PIEZO1: variants seen among roughly 807,000 people sequenced by gnomAD.
The protein encoded by PIEZO1 is piezo-type mechanosensitive ion channel component 1.
PIEZO1 carries 296 observed loss-of-function variants against 297.2 expected under a neutral mutation model. The observed-to-expected ratio is 1.00, with a 90% confidence interval of 0.91 to 1.10. The LOEUF is 1.10. Ranked by LOEUF, PIEZO1 falls within the 50% of genes least tolerant of loss-of-function variation. The pLI is 0.00. For missense variants in PIEZO1, 5,018 were observed against 3,455.5 expected, an observed-to-expected ratio of 1.45 and a Z score of -11.34; for synonymous variants, 2,427 against 1,507.5, an observed-to-expected ratio of 1.61 and a Z score of -14.13.
chr16:88,767,066 A>G (rs11861895), intron 1 of PIEZO1, among the ~76,000 whole-genome samples: 26,091 of 152,224 alleles, frequency 0.17, 6,844 homozygotes, highest in African/African-American at 0.56. Flanking sequence ...TACCAAGCAC[A>G]GCTTTCCCAT....
Position 88,752,896 on chromosome 16 carries a change from CCATTCATT to C in PIEZO1, c.65-3425_65-3418del, listed in dbSNP as rs558341028. 3.3e-3 allele frequency among the ~76,000 whole-genome samples: 396 copies of C among 121,222 alleles called. 3 individuals carry two copies. Among genetic ancestry groups the C allele is most frequent in the African/African-American group, 9.4e-3 (353 of 37,534 alleles). The allele number at this position is 121,222 out of a possible 152,430, so 79.5% of individuals were successfully genotyped here. On this transcript the variant is annotated intron_variant, in intron 1 of 50. Coordinates refer to ENST00000301015, the MANE Select transcript of PIEZO1 (RefSeq NM_001142864.4). ...TTCATTCATCCATTCATCCATTCAT[CCATTCATT>C]CATTCATTCAATACCAAGCAGGCCC... is the stretch of plus-strand genomic sequence containing the variant.
rs1387121110 is a variant in PIEZO1, at chr16:88,736,696, G to C, written c.1239C>G (p.His413Gln). The stretch of plus-strand genomic sequence containing the variant: ...GGTCCATGATGAGGTGGCCCAGGCT[G>C]TGGAGCGGAGACGCCTCCCTGGGCT... ...RAEPREASPL[H>Q]SLGHLIMDQS... The change falls in exon 11 of 51, where the codon CAC becomes CAG. Residue 413 changes from histidine (H) to glutamine (Q), a missense_variant. His to Gln is a conservative substitution (Grantham distance 24). Transcript: ENST00000301015. 6.5e-7 allele frequency: 1 copy of C among 1,532,980 alleles called. No individual in the cohort carries two copies. The highest frequency in any genetic ancestry group is 1.2e-5 in the South Asian group (1 of 83,924). 95.0% of individuals were successfully genotyped at this position (1,532,980 alleles called of 1,614,324 possible).
intron 1 of PIEZO1, among the ~76,000 whole-genome samples, chr16:88,778,935 G>T (rs1342711474): frequency 1.3e-5 from 2 of 152,202 alleles, no homozygotes; most frequent in African/African-American, 4.8e-5. Flanking sequence ...GCGGGGGCAG[G>T]TGGGGTGCAT....
intron 1 of PIEZO1, among the ~76,000 whole-genome samples, chr16:88,753,845 C>A (rs1478761204): frequency 6.6e-6 from 1 of 152,228 alleles, no homozygotes; most frequent in African/African-American, 2.4e-5. Flanking sequence ...TGAAGACTGG[C>A]TCCAACTCAG....
chr16:88,784,873 C>T, intron 1 of PIEZO1, 28 bp downstream of exon 1: 2 of 1,410,778 alleles, frequency 1.4e-6, no homozygotes, highest in Non-Finnish European at 9.3e-7. Context: ...CCCCTCCCGT[C>T]GCCCCCAGGC....
Position 88,716,799 on chromosome 16 carries a change from C to CACTT in PIEZO1, c.6753+3_6753+6dup, listed in dbSNP as rs1912073237. ...ACACCAGCTTTCACAGGGCAGAGGC[C>CACTT]ACTTACCGGCTGGGGGTCAAACTGC... On this transcript the variant is annotated splice_region_variant and intron_variant, in intron 46 of 50. Coordinates refer to ENST00000301015, the MANE Select transcript of PIEZO1 (RefSeq NM_001142864.4). 6.5e-7 allele frequency: 1 copy of CACTT among 1,549,896 alleles called. No homozygotes were observed. Among genetic ancestry groups the CACTT allele is most frequent in the Non-Finnish European group, 8.7e-7 (1 of 1,146,948 alleles).
rs943022447 is a variant in PIEZO1, at chr16:88,726,906, C to T, written c.3508G>A (p.Val1170Met). Residue 1170 changes from valine to methionine, a missense_variant, in exon 25 of 51, where the codon GTG becomes ATG. Coordinates refer to ENST00000301015, the MANE Select transcript of PIEZO1 (RefSeq NM_001142864.4). ...VAVFRYLFWL[V>M]LVVVFVTGAT... is the part of the protein sequence containing the mutation. ...CCCGTGACAAACACCACCACCAGCACCAGCCAGAACAGGTATCGGAAGACG... is the reference window on the plus strand; with the variant it reads ...CCCGTGACAAACACCACCACCAGCATCAGCCAGAACAGGTATCGGAAGACG... 1 of 1,550,468 alleles carries T rather than the reference C, an allele frequency of 6.4e-7. No individual in the cohort carries two copies. Among genetic ancestry groups the T allele is most frequent in the Non-Finnish European group, 8.7e-7 (1 of 1,146,926 alleles).
chr16:88,731,957 G>GAGGGGGGGGTGTGGGGATGCACTGAGTCT, intron 21 of PIEZO1, 47 bp from the exon 22 acceptor site: 1 of 97,896 alleles, frequency 1.0e-5, no homozygotes, highest in Non-Finnish European at 1.9e-5. Flanking sequence ...GAGTCTGGGG[G>GAGGGGGGGGTGTGGGGATGCACTGAGTCT]GAGGGACTTT....
intron 12 of PIEZO1, among the ~76,000 whole-genome samples, chr16:88,735,821 G>C (rs1224349158): frequency 6.6e-6 from 1 of 152,270 alleles, no homozygotes; most frequent in Non-Finnish European, 1.5e-5. Context: ...GGGGCGCAGG[G>C]GTGGTGCCTG....
intron 2 of PIEZO1, chr16:88,743,617 T>G: frequency 2.2e-6 from 1 of 456,558 alleles, no homozygotes; most frequent in Non-Finnish European, 4.4e-6. Context: ...TGGTGTTAGG[T>G]GACAGACTCG....
At position 88,722,048 on chromosome 16, in the gene PIEZO1, C is replaced by T. The variant is rs1404639302; in HGVS notation, c.4974G>A (p.Glu1658=). ...LLLDRRLRIP[E]LEEAELFAEG... ...CCGCAAACAGCTCTGCCTCCTCCAGCTCTGGGATGCGCAGGCGCCTACAGG... is the reference window on the plus strand; with the variant it reads ...CCGCAAACAGCTCTGCCTCCTCCAGTTCTGGGATGCGCAGGCGCCTACAGG... The change falls in exon 37 of 51, where the codon GAG becomes GAA. Residue 1658 remains glutamate, a synonymous_variant. Transcript: ENST00000301015. 1.9e-6 allele frequency: 3 copies of T among 1,546,840 alleles called. No individual in the cohort carries two copies. The highest frequency in any genetic ancestry group is 1.7e-6 in the Non-Finnish European group (2 of 1,146,014).
Position 88,732,740 on chromosome 16 carries a change from G to T in PIEZO1, c.2665-8C>A, listed in dbSNP as rs545656599. ...GGTGCTGTTGGGGAAGGGCTGGCAA[G>T]AGGCCAGGCATCAGTGCCCCCTCCC... On this transcript the variant is annotated splice_polypyrimidine_tract_variant and splice_region_variant and intron_variant, in intron 19 of 50. Coordinates refer to ENST00000301015, the MANE Select transcript of PIEZO1 (RefSeq NM_001142864.4). 6.5e-7 allele frequency: 1 copy of T among 1,541,488 alleles called. No individual in the cohort carries two copies.
chr16:88,727,253 C>T lies in PIEZO1; in HGVS notation c.3302-61G>A, dbSNP rs141151775. The T allele has an allele frequency of 1.2e-3, 1,692 of 1,458,588 alleles. 18 individuals are homozygous for T. The African/African-American group carries it at 0.021, about 18-fold the overall frequency. The allele number at this position is 1,458,588 out of a possible 1,614,324, so 90.4% of individuals were successfully genotyped here. ...GGACCCACACGAGGTGGGCACGGCG[C>T]ATAAATCCCACCTCCCACCCCAGGC... On this transcript the variant is annotated intron_variant, in intron 23 of 50. Transcript: ENST00000301015.
intron 4 of PIEZO1, 87 bp downstream of exon 4, chr16:88,741,966 C>G: frequency 7.0e-7 from 1 of 1,422,924 alleles, no homozygotes; most frequent in Non-Finnish European, 9.5e-7. Flanking sequence ...CCAGGTCCCC[C>G]TCTGTCCCTC....
intron 10 of PIEZO1, chr16:88,737,231 C>T (rs1261208917): frequency 1.4e-5 from 4 of 282,636 alleles, no homozygotes; most frequent in South Asian, 4.4e-5. Context: ...GAGCAGCTCC[C>T]AGAGCTAACA....
intron 12 of PIEZO1, 106 bp from the exon 13 acceptor site, chr16:88,735,352 G>T: frequency 1.3e-6 from 1 of 775,690 alleles, no homozygotes; most frequent in South Asian, 1.5e-5. Flanking sequence ...CTCTCAGGCG[G>T]CTGGCACCAG....
chr16:88,717,275 T>C, intron 44 of PIEZO1, 64 bp from the exon 45 acceptor site: 1 of 1,418,596 alleles, frequency 7.0e-7, no homozygotes, highest in East Asian at 2.5e-5. Flanking sequence ...CACAACCGCA[T>C]TCTCCAGCTC....
At chr16:88,784,456 C>T (rs1908081229) in intron 1 of PIEZO1, among the ~76,000 whole-genome samples, 1 of 151,702 alleles carries the variant, frequency 6.6e-6, no homozygotes, top group East Asian at 1.9e-4. Context: ...CGCCTTCTCC[C>T]AGATTGTCAG....
rs909268631 is a variant in PIEZO1, at chr16:88,725,678, G to A, written c.3975C>T (p.Phe1325=). 5.2e-5 allele frequency: 80 copies of A among 1,539,474 alleles called. No homozygotes were observed. The highest frequency in any genetic ancestry group is 6.9e-5 in the African/African-American group (5 of 72,740). ...QATALLASRG[F]ALYNAANLKS... ...TGAGGTTGGCAGCGTTGTAGAGGGC[G>A]AAGCCCCTGTAGGGAGGCGGGGATG... The change falls in exon 28 of 51, where the codon TTC becomes TTT. Residue 1325 remains phenylalanine, a synonymous_variant. Transcript: ENST00000301015.
Sources: gnomAD v4.1 joint callset for allele counts (sites outside exome capture counted in the v4.1 genomes callset) on GRCh38, gnomAD v4.1.1 for gene constraint, MANE v1.5 for transcripts, NCBI Gene and HGNC (gene_info 2026-07-23, HGNC 2026-07-21) for gene names.